Variants in LTV1 observed in about 807,000 individuals in gnomAD.
The protein encoded by LTV1 is LTV1 ribosome biogenesis factor.
LTV1 carries 39 observed loss-of-function variants against 59.9 expected under a neutral mutation model. The observed-to-expected ratio is 0.65, with a 90% CI of 0.50 to 0.85. The LOEUF is 0.85. Ranked by LOEUF, LTV1 falls within the 40% of genes least tolerant of loss-of-function variation. LTV1 has a pLI of 0.00. For synonymous variants in LTV1, 171 were observed against 189.5 expected, an observed-to-expected ratio of 0.90 and a Z score of 0.80; for missense variants, 493 against 549.1, an observed-to-expected ratio of 0.90 and a Z score of 1.02.
rs2128491883 is a variant in LTV1 at position 143,857,688 on chromosome 6, A to G, written c.540-64A>G. On this transcript the variant is annotated intron_variant, in intron 5 of 10. Coordinates refer to ENST00000367576, the MANE Select transcript of LTV1 (RefSeq NM_032860.5). This position sits in a 1 kb window ranked among gnomAD's most constrained non-coding sequence, Gnocchi z 5.2. ...AAATACCTTCCAATTTTACTTGTGT[A>G]AAGTGGTTTTGTTCTGTTACTTTTT... The G allele has an allele frequency of 6.4e-7, 1 of 1,561,170 alleles. No homozygotes were observed. Among genetic ancestry groups the G allele is most frequent in the Non-Finnish European group, 8.8e-7 (1 of 1,136,150 alleles).
rs79783512 is a variant in LTV1, at chr6:143,844,747, C to T, written c.135+130C>T. Reference sequence around the variant, plus strand: ...CTCGAACTCCTGGACTTAAGCAGTCCTCCCAGCTTGGCCTCCAAAAGTGCT... The same window carrying T: ...CTCGAACTCCTGGACTTAAGCAGTCTTCCCAGCTTGGCCTCCAAAAGTGCT... On this transcript the variant is annotated intron_variant, in intron 2 of 10. Transcript: ENST00000367576. 4 of 937,086 alleles carry T rather than the reference C, an allele frequency of 4.3e-6. No homozygotes were observed. In the East Asian group the frequency reaches 9.0e-5, roughly 21 times the overall value. 58.0% of individuals were successfully genotyped at this position (937,086 alleles called of 1,614,324 possible).
chr6:143,851,735 C>T (rs1582937343), intron 4 of LTV1, among the ~76,000 whole-genome samples: 1 of 152,046 alleles, frequency 6.6e-6, no homozygotes, highest in South Asian at 2.1e-4. Context: ...GCCCCCATCC[C>T]CCAACAGGCC....
At chr6:143,859,915 G>C (rs1444767334) in intron 6 of LTV1, among the ~76,000 whole-genome samples, 1 of 152,036 alleles carries the variant, frequency 6.6e-6, no homozygotes, top group Non-Finnish European at 1.5e-5. Flanking sequence ...ACTGTCTTGG[G>C]CAGTGCAGAC....
Position 143,857,197 on chromosome 6 carries a change from CAATATATTA to C in LTV1, c.398-104_398-96del. On this transcript the variant is annotated intron_variant, in intron 4 of 10. Transcript: ENST00000367576. The surrounding 1 kb of genome is among the most constrained non-coding windows in gnomAD (Gnocchi z 5.2). ...TAGTTCTTAATCGTTCTTTTATCCT[CAATATATTA>C]ATAGACTCTTGCTATCATAGGTCCT... The C allele has an allele frequency of 7.7e-7, 1 of 1,301,478 alleles. No homozygotes were observed. Among genetic ancestry groups the C allele is most frequent in the Non-Finnish European group, 1.1e-6 (1 of 930,362 alleles). The allele number at this position is 1,301,478 out of a possible 1,614,324, so 80.6% of individuals were successfully genotyped here. A position where few individuals can be genotyped will look rare whatever the true frequency, so the allele number is the denominator to read the frequency against.
intron 4 of LTV1, among the ~76,000 whole-genome samples, chr6:143,852,946 G>A (rs1777010903): frequency 6.6e-6 from 1 of 152,172 alleles, no homozygotes; most frequent in African/African-American, 2.4e-5. Context: ...TTTGGTACCA[G>A]TACCATGCTG....
rs1447573974 is a variant in LTV1, at chr6:143,843,424, C to T, written c.-54C>T. The T allele has an allele frequency of 1.5e-5, 24 of 1,611,172 alleles. No individual in the cohort carries two copies. The highest frequency in any genetic ancestry group is 1.9e-5 in the Non-Finnish European group (22 of 1,179,622). ...GCTGGACCTTGGTCTCCCCGCCGGA[C>T]TTCGAGGGTGTCATCGCCGCCCCTG... On this transcript the variant is annotated 5_prime_UTR_variant, in exon 1 of 11. Transcript: ENST00000367576.
At chr6:143,850,747 G>A (rs1776968782) in intron 4 of LTV1, among the ~76,000 whole-genome samples, 1 of 152,172 alleles carries the variant, frequency 6.6e-6, no homozygotes, top group Admixed American at 6.5e-5. Context: ...ACTAACACCT[G>A]TCCTGTGGCA....
chr6:143,860,015 A>G, intron 6 of LTV1, among the ~76,000 whole-genome samples: 1 of 152,104 alleles, frequency 6.6e-6, no homozygotes, highest in East Asian at 1.9e-4. Flanking sequence ...AGGTGGGAAG[A>G]TTGCTTGAGC....
intron 4 of LTV1, among the ~76,000 whole-genome samples, chr6:143,852,434 G>A (rs541288267): frequency 6.6e-6 from 1 of 151,872 alleles, no homozygotes; most frequent in South Asian, 2.1e-4. Context: ...TTTTTTTCTT[G>A]TAAATTTAAG....
rs1777179565 is a variant in LTV1 at position 143,862,389 on chromosome 6, A to G, written c.1063+146A>G. ...CACCTGATGTCAGGAGTTCAAGACCAGCCTGGCCAACATGGTGAAACCCCG... is the reference window on the plus strand; with the variant it reads ...CACCTGATGTCAGGAGTTCAAGACCGGCCTGGCCAACATGGTGAAACCCCG... On this transcript the variant is annotated intron_variant, in intron 8 of 10. Transcript: ENST00000367576. This position sits in a 1 kb window ranked among gnomAD's most constrained non-coding sequence, Gnocchi z 4.2. 3.2e-6 allele frequency: 2 copies of G among 618,224 alleles called. No homozygotes were observed. The highest frequency in any genetic ancestry group is 1.9e-5 in the African/African-American group (1 of 53,086). The allele number at this position is 618,224 out of a possible 1,614,324, so 38.3% of individuals were successfully genotyped here.
rs926237194 is a variant in LTV1 at position 143,843,423 on chromosome 6, A to C, written c.-55A>C. On this transcript the variant is annotated 5_prime_UTR_variant, in exon 1 of 11. Coordinates refer to ENST00000367576, the MANE Select transcript of LTV1 (RefSeq NM_032860.5). ...AGCTGGACCTTGGTCTCCCCGCCGG[A>C]CTTCGAGGGTGTCATCGCCGCCCCT... 18 of 1,610,868 alleles carry C rather than the reference A, an allele frequency of 1.1e-5. No homozygotes were observed. The highest frequency in any genetic ancestry group is 1.4e-5 in the Non-Finnish European group (17 of 1,179,506).
At chr6:143,856,857 GA>G (rs1777083862) in intron 4 of LTV1, among the ~76,000 whole-genome samples, 1 of 152,342 alleles carries the variant, frequency 6.6e-6, no homozygotes, top group African/African-American at 2.4e-5. Flanking sequence ...TCTCCTCTAT[GA>G]GGTGTCTATT....
chr6:143,852,903 CCT>C (rs1474958329), intron 4 of LTV1, among the ~76,000 whole-genome samples: 1 of 152,034 alleles, frequency 6.6e-6, no homozygotes. Context: ...ATTTCTGAGG[CCT>C]CTGTTTTGTT....
intron 7 of LTV1, among the ~76,000 whole-genome samples, chr6:143,861,497 T>C (rs1259901395): frequency 6.6e-6 from 1 of 152,128 alleles, no homozygotes; most frequent in Non-Finnish European, 1.5e-5. Context: ...TTTCTAGTCT[T>C]TTGGGCTGAA....
rs76997963 is a variant in LTV1 at position 143,843,634 on chromosome 6, G to C, written c.3+154G>C. Among the ~76,000 whole-genome samples the C allele has an allele frequency of 9.7e-3, 1,475 of 152,316 alleles. 24 individuals are homozygous for C. Among genetic ancestry groups the C allele is most frequent in the African/African-American group, 0.034 (1,414 of 41,570 alleles). ...CCCGAAATGGGCCAACGTCACCACC[G>C]TGGGCATTCTTTGCAAGTTACAGTC... On this transcript the variant is annotated intron_variant, in intron 1 of 10. Transcript: ENST00000367576.
chr6:143,857,327 A>T lies in LTV1; in HGVS notation c.422A>T (p.Asp141Val). The T allele has an allele frequency of 6.2e-7, 1 of 1,613,766 alleles. No individual in the cohort carries two copies. The highest frequency in any genetic ancestry group is 8.5e-7 in the Non-Finnish European group (1 of 1,179,670). ...GGACCTCGACTGGATTTTGATCCTG[A>T]CATTGTTGCAGCTCTTGATGATGAT... ...VSGPRLDFDPDIVAALDDDFD... is the reference protein window; with the variant it reads ...VSGPRLDFDPVIVAALDDDFD... The change falls in exon 5 of 11, where the codon GAC becomes GTC. Residue 141 changes from aspartate (D) to valine (V), a missense_variant. Transcript: ENST00000367576. The surrounding 1 kb of genome is among the most constrained non-coding windows in gnomAD (Gnocchi z 5.2).
In LTV1 at chr6:143,857,479, C is replaced by A; in HGVS notation, c.539+35C>A. The A allele has an allele frequency of 6.4e-7, 1 of 1,565,428 alleles. No homozygotes were observed. The highest frequency in any genetic ancestry group is 8.8e-7 in the Non-Finnish European group (1 of 1,136,934). On this transcript the variant is annotated intron_variant, in intron 5 of 10. Transcript: ENST00000367576. This position sits in a 1 kb window ranked among gnomAD's most constrained non-coding sequence, Gnocchi z 5.2. ...GTTTGTTTCAAAGCAGAGATGATGA[C>A]CTAAGTGTTACTGCTTCAGTGGGAT...
intron 3 of LTV1, among the ~76,000 whole-genome samples, chr6:143,848,093 ATTTCTCTTTAAACTCTTAATCG>A (rs1443718688): frequency 6.6e-6 from 1 of 152,178 alleles, no homozygotes; most frequent in Non-Finnish European, 1.5e-5. Context: ...AAACAGAGTA[ATTTCTCTTTAAACTCTTAATCG>A]TGTATGTGAT....
At chr6:143,860,214 T>C (rs2128492128) in intron 6 of LTV1, among the ~76,000 whole-genome samples, 1 of 152,364 alleles carries the variant, frequency 6.6e-6, no homozygotes, top group African/African-American at 2.4e-5. Context: ...GAAGCCTATT[T>C]TTAGGCTAAA....
Sources: gnomAD v4.1 joint callset for allele counts (sites outside exome capture counted in the v4.1 genomes callset) on GRCh38, gnomAD v4.1.1 for gene constraint, Gnocchi (gnomAD v3.1) non-coding constraint, MANE v1.5 for transcripts, NCBI Gene and HGNC (gene_info 2026-07-23, HGNC 2026-07-21) for gene names.